Variants in SAMD5 observed in about 807,000 individuals in gnomAD.
The protein encoded by SAMD5 is sterile alpha motif domain-containing protein 5.
In SAMD5, 13 loss-of-function variants were observed where a neutral mutation model predicts 11.3. That is an observed-to-expected ratio of 1.15 (90% CI 0.75 to 1.83). The LOEUF is 1.83. Ranked by LOEUF, SAMD5 falls within the 40% of genes most tolerant of loss-of-function variation. The pLI, the probability that SAMD5 is intolerant of heterozygous loss-of-function variation, is 0.00. For missense variants in SAMD5, 255 were observed against 239.1 expected (o/e 1.07, Z -0.44); for synonymous variants, 129 against 111.3 (o/e 1.16, Z -1.00).
chr6:147,726,112 A>G (rs1253856217), intron 1 of SAMD5, among the ~76,000 whole-genome samples: 1 of 152,208 alleles, frequency 6.6e-6, no homozygotes, highest in Non-Finnish European at 1.5e-5. Flanking sequence ...TTGAGAAACT[A>G]CTATTGCTAG....
At chr6:147,671,522 C>T (rs139678868) in intron 1 of SAMD5, among the ~76,000 whole-genome samples, 2 of 152,312 alleles carry the variant, frequency 1.3e-5, no homozygotes, top group East Asian at 3.9e-4. Context: ...GCACTTTTAA[C>T]ATACAGAGTT....
intron 1 of SAMD5, among the ~76,000 whole-genome samples, chr6:147,638,227 G>T (rs11155516): frequency 6.6e-6 from 1 of 151,828 alleles, no homozygotes; most frequent in African/African-American, 2.4e-5. Context: ...ATTGCTTCTC[G>T]ATAAGAAACA....
At chr6:147,806,291 C>G in the SAMD5 span, among the ~76,000 whole-genome samples, 1 of 134,390 alleles carries the variant, frequency 7.4e-6, no homozygotes, top group Non-Finnish European at 1.6e-5. Context: ...ACTTCAAAAA[C>G]GAGTGTGCGC....
At chr6:147,660,129 G>A (rs1277713297) in intron 1 of SAMD5, among the ~76,000 whole-genome samples, 2 of 152,080 alleles carry the variant, frequency 1.3e-5, no homozygotes, top group African/African-American at 4.8e-5. Context: ...ATTAGAAGTC[G>A]GCCTGTCCTT....
the SAMD5 span, among the ~76,000 whole-genome samples, chr6:147,801,737 T>C: frequency 2.0e-5 from 3 of 152,134 alleles, no homozygotes; most frequent in Non-Finnish European, 2.9e-5. Flanking sequence ...CAGAGGAGCC[T>C]GTGGTATTGG....
intron 1 of SAMD5, among the ~76,000 whole-genome samples, chr6:147,629,946 T>C (rs1790121951): frequency 7.2e-6 from 1 of 139,746 alleles, no homozygotes; most frequent in Non-Finnish European, 1.5e-5. Flanking sequence ...AGGTTTTCTT[T>C]TCTTTTTTTT....
At chr6:147,788,892 G>A in the SAMD5 span, among the ~76,000 whole-genome samples, 1 of 151,966 alleles carries the variant, frequency 6.6e-6, no homozygotes. Flanking sequence ...GACCATCCTG[G>A]CTAACACGGT....
intron 1 of SAMD5, among the ~76,000 whole-genome samples, chr6:147,708,120 T>C (rs562281327): frequency 6.6e-6 from 1 of 152,236 alleles, no homozygotes; most frequent in South Asian, 2.1e-4. Flanking sequence ...AACCTCAGAA[T>C]GTGACTGTAT....
chr6:147,528,709 A>G (rs1023945289), intron 1 of SAMD5, among the ~76,000 whole-genome samples: 3 of 152,186 alleles, frequency 2.0e-5, no homozygotes, highest in Non-Finnish European at 2.9e-5. Flanking sequence ...TGGAGCTTGA[A>G]TCTAACAGCT....
At position 147,616,199 on chromosome 6, in the gene SAMD5, TTTA is replaced by T. The variant is rs1562334297; in HGVS notation, c.162+106815_162+106817del. ...TTTATTCATATATATTTCATATATATTTATTCATATATACTTCATATATATTTA... is the reference window on the plus strand; with the variant it reads ...TTTATTCATATATATTTCATATATATTTCATATATACTTCATATATATTTA... On this transcript the variant is annotated intron_variant, in intron 1 of 1. Transcript: ENST00000566741. Among the ~76,000 whole-genome samples, 147 of 99,202 alleles carry T rather than the reference TTTA, an allele frequency of 1.5e-3. 5 individuals carry two copies. The highest frequency in any genetic ancestry group is 0.012 in the African/African-American group (141 of 11,606). 65.1% of individuals were successfully genotyped at this position (99,202 alleles called of 152,430 possible).
chr6:147,910,434 C>A, the SAMD5 span, among the ~76,000 whole-genome samples: 1 of 152,162 alleles, frequency 6.6e-6, no homozygotes, highest in Non-Finnish European at 1.5e-5. Flanking sequence ...CTACTCTCTC[C>A]GGGCGCAGCG....
chr6:147,662,401 T>G (rs746173301), intron 1 of SAMD5, among the ~76,000 whole-genome samples: 23 of 152,204 alleles, frequency 1.5e-4, no homozygotes, highest in Admixed American at 2.6e-4. Flanking sequence ...CACTCTGGTT[T>G]GTTTTAAAAA....
At chr6:147,533,756 T>C (rs1394791753) in intron 1 of SAMD5, among the ~76,000 whole-genome samples, 3 of 152,148 alleles carry the variant, frequency 2.0e-5, no homozygotes, top group African/African-American at 7.2e-5. Context: ...AGAAAGCTGA[T>C]GTTGCGGTCT....
the SAMD5 span, among the ~76,000 whole-genome samples, chr6:147,871,318 T>C: frequency 6.6e-6 from 1 of 152,124 alleles, no homozygotes; most frequent in Non-Finnish European, 1.5e-5. Flanking sequence ...ATTACTAATA[T>C]CAAAAGAGAT....
intron 1 of SAMD5, among the ~76,000 whole-genome samples, chr6:147,562,636 C>T (rs371645512): frequency 6.6e-6 from 1 of 152,150 alleles, no homozygotes; most frequent in Non-Finnish European, 1.5e-5. Context: ...TCCTGGCTAA[C>T]ACGGTGAAAC....
intron 1 of SAMD5, among the ~76,000 whole-genome samples, chr6:147,620,379 C>T (rs750132093): frequency 6.6e-6 from 1 of 152,198 alleles, no homozygotes; most frequent in Non-Finnish European, 1.5e-5. Flanking sequence ...CTCTATTTAG[C>T]GCTGCTCTCA....
intron 1 of SAMD5, among the ~76,000 whole-genome samples, chr6:147,601,312 G>T (rs894435287): frequency 5.3e-4 from 80 of 151,640 alleles, no homozygotes; most frequent in African/African-American, 1.9e-3. Context: ...TACCTTATTT[G>T]TACATACCCT....
the SAMD5 span, among the ~76,000 whole-genome samples, chr6:147,798,200 C>G: frequency 6.7e-6 from 1 of 149,016 alleles, no homozygotes; most frequent in East Asian, 2.0e-4. Flanking sequence ...CTCTTGTGGG[C>G]ATTTAGTGTT....
intron 1 of SAMD5, among the ~76,000 whole-genome samples, chr6:147,587,103 A>G (rs968965942): frequency 6.6e-6 from 1 of 152,048 alleles, no homozygotes; most frequent in Admixed American, 6.5e-5. Flanking sequence ...TACTTGTTTA[A>G]TTCATATCTT....
Sources: gnomAD v4.1 joint callset for allele counts (sites outside exome capture counted in the v4.1 genomes callset) on GRCh38, gnomAD v4.1.1 for gene constraint, MANE v1.5 for transcripts, NCBI Gene and HGNC (gene_info 2026-07-23, HGNC 2026-07-21) for gene names.